Variants in PACRG observed in about 807,000 individuals in gnomAD.
PACRG encodes parkin coregulated, also known as parkin coregulated gene protein.
PACRG carries 29 observed loss-of-function variants against 29.7 expected under a neutral mutation model. The observed-to-expected ratio is 0.98, with a 90% CI of 0.73 to 1.33. The LOEUF is 1.33. PACRG is among the 40% of genes most tolerant of loss of function. The probability of loss-of-function intolerance (pLI) is 0.00; values close to 1 mark genes in which losing one functional copy is unlikely to be tolerated. For missense variants in PACRG, 279 were observed against 316.2 expected, an observed-to-expected ratio of 0.88 and a Z score of 0.89; for synonymous variants, 116 against 118.7, an observed-to-expected ratio of 0.98 and a Z score of 0.15.
chr6:163,299,435 A>T (rs956604177), intron 4 of PACRG, among the ~76,000 whole-genome samples: 1 of 152,166 alleles, frequency 6.6e-6, no homozygotes, highest in African/African-American at 2.4e-5. Flanking sequence ...CCCTGCAGCC[A>T]GAGCCTACCT....
At chr6:163,281,351 ACTTTGCCTC>A (rs1784221193) in intron 4 of PACRG, among the ~76,000 whole-genome samples, 1 of 152,158 alleles carries the variant, frequency 6.6e-6, no homozygotes, top group African/African-American at 2.4e-5. Flanking sequence ...GAGATCTGAG[ACTTTGCCTC>A]AGCACAGTCC....
chr6:162,850,366 A>C (rs1790757562), intron 2 of PACRG, among the ~76,000 whole-genome samples: 1 of 152,216 alleles, frequency 6.6e-6, no homozygotes, highest in Non-Finnish European at 1.5e-5. Flanking sequence ...AAATCCTTAG[A>C]ATCTCCAAAA....
chr6:163,291,586 C>T (rs188263788), intron 4 of PACRG, among the ~76,000 whole-genome samples: 35 of 152,364 alleles, frequency 2.3e-4, no homozygotes, highest in Non-Finnish European at 3.8e-4. Flanking sequence ...GTCTCTTGAA[C>T]ATCGACTGAG....
At chr6:163,197,123 C>A (rs61181974) in intron 4 of PACRG, among the ~76,000 whole-genome samples, 3 of 152,168 alleles carry the variant, frequency 2.0e-5, no homozygotes, top group South Asian at 2.1e-4. Flanking sequence ...TTCAAGATAA[C>A]TTTTTTCTGC....
chr6:162,761,965 C>CAAAA (rs889734861), intron 1 of PACRG, among the ~76,000 whole-genome samples: 1 of 136,084 alleles, frequency 7.3e-6, no homozygotes, highest in South Asian at 2.4e-4. Context: ...AACCCCCCCC[C>CAAAA]AAAAAAAAAC....
intron 2 of PACRG, among the ~76,000 whole-genome samples, chr6:162,978,463 C>T (rs1365253789): frequency 7.7e-6 from 1 of 129,728 alleles, no homozygotes; most frequent in Admixed American, 8.0e-5. Context: ...GCCTGTCTGT[C>T]TGTCTCTCTC....
intron 2 of PACRG, among the ~76,000 whole-genome samples, chr6:162,946,923 A>G (rs141390119): frequency 6.6e-6 from 1 of 152,276 alleles, no homozygotes; most frequent in Non-Finnish European, 1.5e-5. Context: ...ATAAAATTCA[A>G]CAACTTTTTA....
chr6:163,296,220 T>A (rs4709692), intron 4 of PACRG, among the ~76,000 whole-genome samples: 129,612 of 152,268 alleles, frequency 0.85, 55,522 homozygotes, highest in African/African-American at 0.94. Flanking sequence ...GAGTCCATTG[T>A]GTTCCTTCAA....
chr6:163,096,556 A>G (rs766313423), intron 4 of PACRG, among the ~76,000 whole-genome samples: 33 of 152,188 alleles, frequency 2.2e-4, no homozygotes, highest in Non-Finnish European at 5.9e-5. Flanking sequence ...GTGGCTTTTG[A>G]CGGGTCATGT....
At chr6:162,750,174 T>A (rs960442925) in intron 1 of PACRG, among the ~76,000 whole-genome samples, 1 of 152,218 alleles carries the variant, frequency 6.6e-6, no homozygotes, top group Non-Finnish European at 1.5e-5. Context: ...CTTTCAAAGA[T>A]ACCTTAGGAG....
At chr6:162,844,557 T>G (rs962711622) in intron 2 of PACRG, among the ~76,000 whole-genome samples, 1 of 152,264 alleles carries the variant, frequency 6.6e-6, no homozygotes. Flanking sequence ...ACCCGTCTTC[T>G]GCGTCGCTCA....
At chr6:163,023,977 T>G (rs1806878679) in intron 2 of PACRG, among the ~76,000 whole-genome samples, 1 of 152,098 alleles carries the variant, frequency 6.6e-6, no homozygotes, top group South Asian at 2.1e-4. Context: ...TGCATTTTGT[T>G]GAATGCATGG....
intron 1 of PACRG, among the ~76,000 whole-genome samples, chr6:162,729,673 A>G (rs1487736989): frequency 6.6e-6 from 1 of 151,886 alleles, no homozygotes; most frequent in African/African-American, 2.4e-5. Context: ...CTTCTACACA[A>G]TATTTACAAT....
chr6:162,812,712 G>A (rs1203279515), intron 1 of PACRG, among the ~76,000 whole-genome samples: 5 of 152,060 alleles, frequency 3.3e-5, no homozygotes, highest in African/African-American at 1.2e-4. Flanking sequence ...AGCTAAAACT[G>A]TTCTTTTTAT....
intron 2 of PACRG, among the ~76,000 whole-genome samples, chr6:162,980,365 C>A (rs1802310377): frequency 6.6e-6 from 1 of 152,084 alleles, no homozygotes; most frequent in Admixed American, 6.6e-5. Context: ...ATTCCTCTGG[C>A]TTTTCAGTAG....
At chr6:162,925,962 G>T (rs1292647354) in intron 2 of PACRG, among the ~76,000 whole-genome samples, 1 of 152,018 alleles carries the variant, frequency 6.6e-6, no homozygotes, top group African/African-American at 2.4e-5. Context: ...AAAGTCTCAG[G>T]ATACAAAATT....
Position 162,947,339 on chromosome 6 carries a change from T to TG in PACRG, c.292-114811_292-114810insG, listed in dbSNP as rs576084429. The stretch of plus-strand genomic sequence containing the variant: ...CATATATAATACATATAATCATATA[T>TG]ATAATGATTACATATATATAATGTA... On this transcript the variant is annotated intron_variant, in intron 2 of 4. Coordinates refer to ENST00000366888, the MANE Select transcript of PACRG (RefSeq NM_001080379.2). Among the ~76,000 whole-genome samples, 177 of 18,584 alleles carry TG rather than the reference T, an allele frequency of 9.5e-3. 2 individuals are homozygous for TG. The highest frequency in any genetic ancestry group is 0.017 in the African/African-American group (167 of 9,966). The allele number at this position is 18,584 out of a possible 152,430, so 12.2% of individuals were successfully genotyped here.
chr6:163,094,511 A>G (rs1585199738), intron 4 of PACRG, among the ~76,000 whole-genome samples: 1 of 152,338 alleles, frequency 6.6e-6, no homozygotes, highest in African/African-American at 2.4e-5. Flanking sequence ...CTGGGATTAT[A>G]AAGTTGGAAG....
intron 4 of PACRG, among the ~76,000 whole-genome samples, chr6:163,308,769 C>T (rs1370923017): frequency 6.6e-6 from 1 of 152,122 alleles, no homozygotes; most frequent in Non-Finnish European, 1.5e-5. Context: ...GTGAGTTCCA[C>T]CTGCACAAAC....
Sources: allele counts gnomAD v4.1 joint callset (sites outside exome capture counted in the v4.1 genomes callset), GRCh38; gene constraint gnomAD v4.1.1; transcripts MANE v1.5; gene names NCBI Gene and HGNC (gene_info 2026-07-23, HGNC 2026-07-21).